CADM2: variants seen among roughly 807,000 people sequenced by gnomAD.
CADM2 encodes the protein cell adhesion molecule 2, also known as immunoglobulin superfamily member 4D.
In CADM2, 12 loss-of-function variants were observed where a neutral mutation model predicts 49.8. The ratio of observed to expected loss-of-function variants is 0.24; its 90% CI spans 0.15 to 0.39. CADM2 has a LOEUF of 0.39. Ranked by LOEUF, CADM2 falls within the 10% of genes least tolerant of loss-of-function variation. CADM2 has a pLI of 1.00. For missense variants in CADM2, 378 were observed against 492.3 expected (o/e 0.77, Z 2.20); for synonymous variants, 214 against 175.4 (o/e 1.22, Z -1.74).
At chr3:85,776,389 T>G (rs542246165) in intron 2 of CADM2, among the ~76,000 whole-genome samples, 2 of 151,016 alleles carry the variant, frequency 1.3e-5, no homozygotes, top group South Asian at 4.2e-4. Flanking sequence ...AGAAAGATAA[T>G]GTTATTTTTA....
chr3:86,070,452 C>T lies in CADM2; in HGVS notation c.*3669C>T, dbSNP rs1054215635. The stretch of plus-strand genomic sequence containing the variant: ...ATGCCTTTTGTTTTTCTTTGGACAT[C>T]AAGGTAATTTAGTGGACAACAAATA... On this transcript the variant is annotated 3_prime_UTR_variant, in exon 10 of 10. Coordinates refer to ENST00000383699, the MANE Select transcript of CADM2 (RefSeq NM_001167675.2). The T allele has an allele frequency of 4.0e-5, 6 of 151,830 alleles. No homozygotes were observed. The highest frequency in any genetic ancestry group is 5.9e-5 in the Non-Finnish European group (4 of 67,832). 9.4% of individuals were successfully genotyped at this position (151,830 alleles called of 1,614,324 possible).
chr3:85,388,240 G>T (rs1323371758), intron 1 of CADM2, among the ~76,000 whole-genome samples: 1 of 152,088 alleles, frequency 6.6e-6, no homozygotes, highest in Non-Finnish European at 1.5e-5. Context: ...TGCCCAGAAT[G>T]GTCTTGGACT....
intron 8 of CADM2, among the ~76,000 whole-genome samples, chr3:86,017,982 T>G (rs1477251886): frequency 7.4e-6 from 1 of 135,306 alleles, no homozygotes; most frequent in Non-Finnish European, 1.6e-5. Context: ...ACCCACTAAC[T>G]CGTCATCTAG....
intron 1 of CADM2, among the ~76,000 whole-genome samples, chr3:85,450,849 A>G (rs190010880): frequency 3.8e-3 from 579 of 152,194 alleles, no homozygotes; most frequent in Non-Finnish European, 7.0e-3. Flanking sequence ...AAGACTATGA[A>G]CTTCAAATTT....
intron 1 of CADM2, among the ~76,000 whole-genome samples, chr3:85,207,928 A>C (rs968395858): frequency 1.8e-4 from 27 of 152,120 alleles, no homozygotes; most frequent in African/African-American, 6.0e-4. Flanking sequence ...TTCTAGTATA[A>C]TCATCATGAA....
intron 1 of CADM2, among the ~76,000 whole-genome samples, chr3:85,152,212 A>G (rs1281067031): frequency 1.3e-5 from 2 of 152,162 alleles, no homozygotes; most frequent in Non-Finnish European, 2.9e-5. Context: ...ACTACTCTAT[A>G]TAATACTCTG....
At chr3:85,126,842 C>T (rs1182864839) in intron 1 of CADM2, among the ~76,000 whole-genome samples, 1 of 152,078 alleles carries the variant, frequency 6.6e-6, no homozygotes, top group Non-Finnish European at 1.5e-5. Context: ...GTGGGAGAAT[C>T]ATATTGCTGT....
At chr3:86,017,749 AAAG>A (rs796664208) in intron 8 of CADM2, among the ~76,000 whole-genome samples, 13 of 151,364 alleles carry the variant, frequency 8.6e-5, no homozygotes, top group African/African-American at 1.9e-4. Flanking sequence ...AAAGAAAGAA[AAAG>A]AAGAAGAAAG....
intron 3 of CADM2, among the ~76,000 whole-genome samples, chr3:85,807,355 T>C (rs1338767829): frequency 2.0e-5 from 3 of 151,894 alleles, no homozygotes; most frequent in Admixed American, 1.3e-4. Flanking sequence ...AAAAATTATC[T>C]GGGCATGGTG....
chr3:85,414,638 G>A (rs2035834232), intron 1 of CADM2, among the ~76,000 whole-genome samples: 1 of 151,786 alleles, frequency 6.6e-6, no homozygotes, highest in Admixed American at 6.6e-5. Context: ...GCAATCCAGG[G>A]GAAACTTTCA....
At chr3:85,334,949 A>T (rs1431608418) in intron 1 of CADM2, among the ~76,000 whole-genome samples, 2 of 151,400 alleles carry the variant, frequency 1.3e-5, no homozygotes, top group Non-Finnish European at 3.0e-5. Context: ...TCAAAATGTA[A>T]TAAAAATAGG....
At chr3:86,037,578 C>CA (rs981091209) in intron 8 of CADM2, among the ~76,000 whole-genome samples, 21 of 152,064 alleles carry the variant, frequency 1.4e-4, no homozygotes, top group Admixed American at 1.0e-3. Context: ...TTATATTCTG[C>CA]AAAAAACACA....
At chr3:85,720,429 T>C (rs546984435) in intron 1 of CADM2, among the ~76,000 whole-genome samples, 2 of 152,350 alleles carry the variant, frequency 1.3e-5, no homozygotes, top group African/African-American at 4.8e-5. Context: ...GACTTTCTAA[T>C]TCTTTTATTT....
At chr3:85,717,925 G>A (rs1378447259) in intron 1 of CADM2, among the ~76,000 whole-genome samples, 4 of 152,084 alleles carry the variant, frequency 2.6e-5, no homozygotes, top group East Asian at 3.9e-4. Context: ...CTGCCACCAC[G>A]CCTGGCTAAA....
At chr3:85,906,109 A>G (rs1716772037) in intron 5 of CADM2, among the ~76,000 whole-genome samples, 1 of 152,286 alleles carries the variant, frequency 6.6e-6, no homozygotes. Flanking sequence ...ATTTCCTTAA[A>G]GTTTATTCTA....
chr3:85,591,207 A>G (rs561677421), intron 1 of CADM2, among the ~76,000 whole-genome samples: 3 of 152,078 alleles, frequency 2.0e-5, no homozygotes, highest in Admixed American at 6.6e-5. Context: ...TTTAATTTCA[A>G]TGAAACTGAA....
chr3:85,943,304 T>C (rs1184367730), intron 7 of CADM2, among the ~76,000 whole-genome samples: 2 of 136,252 alleles, frequency 1.5e-5, no homozygotes, highest in Middle Eastern at 3.2e-3. Context: ...AGTCTGATGG[T>C]AGTTTCTTTT....
chr3:85,649,076 G>A (rs1482943002), intron 1 of CADM2, among the ~76,000 whole-genome samples: 1 of 151,976 alleles, frequency 6.6e-6, no homozygotes, highest in Non-Finnish European at 1.5e-5. Context: ...CTTTTCTATG[G>A]AAATTGAGAC....
intron 1 of CADM2, among the ~76,000 whole-genome samples, chr3:85,126,680 TTC>T: frequency 6.6e-6 from 1 of 152,286 alleles, no homozygotes; most frequent in South Asian, 2.1e-4. Context: ...TCTTTAACTT[TTC>T]CTTACATGTC....
Sources: gnomAD v4.1 joint callset for allele counts (sites outside exome capture counted in the v4.1 genomes callset) on GRCh38, gnomAD v4.1.1 for gene constraint, MANE v1.5 for transcripts, NCBI Gene and HGNC (gene_info 2026-07-23, HGNC 2026-07-21) for gene names.